PHLDB1: variants seen among roughly 807,000 people sequenced by gnomAD.
PHLDB1 encodes pleckstrin homology like domain family B member 1, also known as pleckstrin homology-like domain family B member 1.
Under a neutral mutation model 139.3 loss-of-function variants are expected in PHLDB1, and 65 were observed. The observed-to-expected ratio is 0.47, with a 90% CI of 0.38 to 0.57. The LOEUF (loss-of-function observed/expected upper bound fraction) is 0.57, where lower values mean the gene tolerates loss of function less well. Among genes scored for constraint, PHLDB1 ranks in the 20% least tolerant of loss-of-function variants. The probability of loss-of-function intolerance (pLI) is 0.00; values close to 1 mark genes in which losing one functional copy is unlikely to be tolerated. For missense variants in PHLDB1, 1,624 were observed against 1,839.7 expected, an observed-to-expected ratio of 0.88 and a Z score of 2.14; for synonymous variants, 679 against 734.5, an observed-to-expected ratio of 0.92 and a Z score of 1.22.
chr11:118,607,970 C>G lies in PHLDB1; in HGVS notation c.-22+271C>G, dbSNP rs372171283. On this transcript the variant is annotated intron_variant, in intron 1 of 22. Coordinates refer to ENST00000600882, the MANE Select transcript of PHLDB1 (RefSeq NM_001144758.3). ...AGAGGGGGCCGTGACGCTCTCCCCC[C>G]CTTGGAGAAACTCTGATCCTGGCCC... Among the ~76,000 whole-genome samples the G allele has an allele frequency of 5.7e-3, 870 of 152,198 alleles. 4 individuals are homozygous for G. Among genetic ancestry groups the G allele is most frequent in the Middle Eastern group, 0.01 (3 of 294 alleles).
Position 118,650,231 on chromosome 11 carries a change from G to A in PHLDB1, c.3771+38G>A, listed in dbSNP as rs200396214. On this transcript the variant is annotated intron_variant, in intron 19 of 22. Coordinates refer to ENST00000600882, the MANE Select transcript of PHLDB1 (RefSeq NM_001144758.3). This position sits in a 1 kb window ranked among gnomAD's most constrained non-coding sequence, Gnocchi z 4.7. Reference sequence around the variant, plus strand: ...TGTGGCCCTGGGGTGCTGGGGAGAGGGAGAATCCCGTGGTGAGAGGCACCT... The same window carrying A: ...TGTGGCCCTGGGGTGCTGGGGAGAGAGAGAATCCCGTGGTGAGAGGCACCT... 3.5e-4 allele frequency: 517 copies of A among 1,491,124 alleles called. No homozygotes were observed. Among genetic ancestry groups the A allele is most frequent in the Non-Finnish European group, 4.4e-4 (468 of 1,068,014 alleles). The allele number at this position is 1,491,124 out of a possible 1,614,324, so 92.4% of individuals were successfully genotyped here.
At position 118,650,729 on chromosome 11, in the gene PHLDB1, C is replaced by A. The variant is rs934078274; in HGVS notation, c.3874+182C>A. ...CCTGGTTCACCTCCATTTTTGTGTT[C>A]ATTCATTCATTCCTTCATTCAGCAA... On this transcript the variant is annotated intron_variant, in intron 20 of 22. Transcript: ENST00000600882. This position sits in a 1 kb window ranked among gnomAD's most constrained non-coding sequence, Gnocchi z 4.7. The A allele has an allele frequency of 3.4e-6, 2 of 596,244 alleles. No homozygotes were observed. The highest frequency in any genetic ancestry group is 2.8e-5 in the East Asian group (1 of 35,956). The allele number at this position is 596,244 out of a possible 1,614,324, so 36.9% of individuals were successfully genotyped here.
At position 118,645,087 on chromosome 11, in the gene PHLDB1, T is replaced by TG; in HGVS notation, c.3122-266dup. The TG allele has an allele frequency of 2.4e-6, 1 of 413,922 alleles. No homozygotes were observed. The allele number at this position is 413,922 out of a possible 1,614,324, so 25.6% of individuals were successfully genotyped here. The stretch of plus-strand genomic sequence containing the variant: ...GCTGTCGTGCTGCCCCAGCACTACT[T>TG]GGGTAGGTTTGGTGTCCTATATGGA... On this transcript the variant is annotated intron_variant, in intron 15 of 22. Coordinates refer to ENST00000600882, the MANE Select transcript of PHLDB1 (RefSeq NM_001144758.3). The surrounding 1 kb of genome is among the most constrained non-coding windows in gnomAD (Gnocchi z 5.1).
intron 10 of PHLDB1, chr11:118,637,927 G>A (rs1455157333): frequency 6.6e-6 from 1 of 152,278 alleles, no homozygotes; most frequent in Non-Finnish European, 1.5e-5. Flanking sequence ...CTTACGTTTG[G>A]GGCAGGCTGG....
At chr11:118,613,993 A>G in intron 2 of PHLDB1, 97 bp downstream of exon 2, 2 of 770,846 alleles carry the variant, frequency 2.6e-6, no homozygotes, top group Admixed American at 4.1e-5. Flanking sequence ...TGAAAGGAGC[A>G]ATTCTGTTCC....
rs566033065 is a variant in PHLDB1, at chr11:118,620,090, G to C, written c.355+3879G>C. On this transcript the variant is annotated intron_variant, in intron 4 of 22. Transcript: ENST00000600882. The surrounding 1 kb of genome is among the most constrained non-coding windows in gnomAD (Gnocchi z 4.1). ...TGAGAGACACTGTGTCAGGCTGTGT[G>C]AGCTGCTGAGAGCATAAAACATTGT... Among the ~76,000 whole-genome samples the C allele has an allele frequency of 1.7e-4, 26 of 152,354 alleles. No individual in the cohort carries two copies. Among genetic ancestry groups the C allele is most frequent in the African/African-American group, 6.0e-4 (25 of 41,578 alleles).
At position 118,650,092 on chromosome 11, in the gene PHLDB1, C is replaced by T. The variant is rs781987006; in HGVS notation, c.3670C>T (p.Arg1224Cys). 12 of 1,613,842 alleles carry T rather than the reference C, an allele frequency of 7.4e-6. No individual in the cohort carries two copies. The highest frequency in any genetic ancestry group is 3.3e-5 in the South Asian group (3 of 91,080). ...TTGCTCCCAGGCACGACCCCTGACC[C>T]GCTACCTGCCAATCCGGAAGGAGGA... ...KQFSQARPLT[R>C]YLPIRKEDFD... is the part of the protein sequence containing the mutation. The change falls in exon 19 of 23, where the codon CGC becomes TGC. Residue 1224 changes from arginine to cysteine, a missense_variant. Transcript: ENST00000600882. The surrounding 1 kb of genome is among the most constrained non-coding windows in gnomAD (Gnocchi z 4.7).
intron 12 of PHLDB1, chr11:118,640,940 G>A (rs1946407424): frequency 1.3e-5 from 2 of 152,410 alleles, no homozygotes; most frequent in African/African-American, 4.8e-5. Context: ...GCCCTTTTCT[G>A]GTCTCTGTCA....
Position 118,608,426 on chromosome 11 carries a change from G to A in PHLDB1, c.-22+727G>A, listed in dbSNP as rs754939552. Among the ~76,000 whole-genome samples the A allele has an allele frequency of 7.4e-4, 113 of 152,292 alleles. No homozygotes were observed. The highest frequency in any genetic ancestry group is 1.5e-3 in the Non-Finnish European group (99 of 68,010). ...AGTCATCCGGGCTCCCCCGGGATAG[G>A]GAAGTGCGGGCGGGCGGCTGGGTAG... On this transcript the variant is annotated intron_variant, in intron 1 of 22. Transcript: ENST00000600882. The surrounding 1 kb of genome is among the most constrained non-coding windows in gnomAD (Gnocchi z 6.7).
Position 118,628,516 on chromosome 11 carries a change from G to A in PHLDB1, c.1693G>A (p.Gly565Arg), listed in dbSNP as rs782172669. The change falls in exon 6 of 23, where the codon GGG (glycine) becomes AGG (arginine). Residue 565 changes from glycine to arginine, a missense_variant. By Grantham distance (125) the Gly-to-Arg change is moderately radical (BLOSUM62 -2). Coordinates refer to ENST00000600882, the MANE Select transcript of PHLDB1 (RefSeq NM_001144758.3). ...CTGTGTCCAGAGGAAGCTCTCCAGC[G>A]GGGACTTGCGGGTGCCTGTCACAAG... is the stretch of plus-strand genomic sequence containing the variant. ...SPCVQRKLSS[G>R]DLRVPVTRER... The A allele has an allele frequency of 1.1e-5, 17 of 1,613,126 alleles. No homozygotes were observed. Among genetic ancestry groups the A allele is most frequent in the East Asian group, 2.2e-5 (1 of 44,894 alleles).
At position 118,610,665 on chromosome 11, in the gene PHLDB1, GT is replaced by G; in HGVS notation, c.-22+2968del. On this transcript the variant is annotated intron_variant, in intron 1 of 22. Coordinates refer to ENST00000600882, the MANE Select transcript of PHLDB1 (RefSeq NM_001144758.3). This position sits in a 1 kb window ranked among gnomAD's most constrained non-coding sequence, Gnocchi z 8.7. ...GAGCCCGGGAGCTGTGTCAGTGCCC[GT>G]TGGTGCTGGAGCCAGTCGGCCCTTC... is the stretch of plus-strand genomic sequence containing the variant. The G allele has an allele frequency of 1.2e-5, 2 of 171,838 alleles. No homozygotes were observed. The highest frequency in any genetic ancestry group is 2.3e-5 in the Non-Finnish European group (2 of 85,758). The allele number at this position is 171,838 out of a possible 1,614,324, so 10.6% of individuals were successfully genotyped here. A position where few individuals can be genotyped will look rare whatever the true frequency, so the allele number is the denominator to read the frequency against.
rs782104199 is a variant in PHLDB1 at position 118,639,234 on chromosome 11, A to G, written c.2719A>G (p.Thr907Ala). ...AGGGGGCAGGCCTTTCCCGAAGACC[A>G]CATCGACCCTCAAAGAGGTATCATG... Reference protein sequence around the residue: ...LTGGRPFPKTTSTLKEMEKLL... With the variant: ...LTGGRPFPKTASTLKEMEKLL... Residue 907 changes from threonine (T) to alanine (A), a missense_variant, in exon 12 of 23, where the codon ACA becomes GCA. Transcript: ENST00000600882. The G allele has an allele frequency of 6.2e-7, 1 of 1,613,704 alleles. No individual in the cohort carries two copies. Among genetic ancestry groups the G allele is most frequent in the Non-Finnish European group, 8.5e-7 (1 of 1,179,562 alleles).
chr11:118,617,125 G>A (rs1202455378), intron 4 of PHLDB1, among the ~76,000 whole-genome samples: 1 of 152,164 alleles, frequency 6.6e-6, no homozygotes, highest in Non-Finnish European at 1.5e-5. Flanking sequence ...TAAGCGGTTG[G>A]CCCAGGTAGC....
chr11:118,647,976 G>A lies in PHLDB1; in HGVS notation c.3554G>A (p.Arg1185Gln), dbSNP rs1194257386. 9 of 1,596,304 alleles carry A rather than the reference G, an allele frequency of 5.6e-6. No individual in the cohort carries two copies. In the East Asian group the frequency reaches 6.8e-5, roughly 12 times the overall value. ...LRRQALEEER[R>Q]RREQVERRLQ... The stretch of plus-strand genomic sequence containing the variant: ...CGGCAGGCCCTGGAGGAGGAGCGGC[G>A]GAGGCGTGAGCAGGTAGAACGGAGG... The change falls in exon 18 of 23, where the codon CGG (arginine) becomes CAG (glutamine). Residue 1185 changes from arginine to glutamine, a missense_variant. By Grantham distance (43) the Arg-to-Gln change is conservative (BLOSUM62 1). Transcript: ENST00000600882.
At chr11:118,635,352 T>C (rs781957142) in intron 9 of PHLDB1, 41 bp from the exon 10 acceptor site, 17 of 1,530,914 alleles carry the variant, frequency 1.1e-5, no homozygotes, top group Non-Finnish European at 1.5e-5. Context: ...CAGAGTGGCA[T>C]TGCAAGCACC....
chr11:118,616,796 G>A (rs1555090031), intron 4 of PHLDB1, among the ~76,000 whole-genome samples: 3 of 152,194 alleles, frequency 2.0e-5, no homozygotes, highest in African/African-American at 2.4e-5. Context: ...TACAATCCCA[G>A]CACTTTGGTA....
chr11:118,640,931 C>T (rs115522851), intron 12 of PHLDB1: 2,105 of 152,426 alleles, frequency 0.014, 59 homozygotes, highest in African/African-American at 0.047. Flanking sequence ...GGTTCTGCTG[C>T]CCTTTTCTGG....
chr11:118,641,830 G>A, intron 12 of PHLDB1: 1 of 1,255,386 alleles, frequency 8.0e-7, no homozygotes, highest in Admixed American at 2.4e-5. Flanking sequence ...TGACTGGTGT[G>A]CTCTGTGTGT....
rs145368512 is a variant in PHLDB1 at position 118,615,950 on chromosome 11, G to C, written c.185-91G>C. On this transcript the variant is annotated intron_variant, in intron 3 of 22. Transcript: ENST00000600882. The stretch of plus-strand genomic sequence containing the variant: ...AGAGATTCTCCCTGGAGTAGGAGGT[G>C]GAAATATGTTTCCACTGTGGCCCTC... The C allele has an allele frequency of 4.7e-3, 5,002 of 1,065,484 alleles. 98 individuals are homozygous for C. In the Admixed American group the frequency reaches 0.053, roughly 11 times the overall value. 66.0% of individuals were successfully genotyped at this position (1,065,484 alleles called of 1,614,324 possible).
Sources: gnomAD v4.1 joint callset for allele counts (sites outside exome capture counted in the v4.1 genomes callset) on GRCh38, gnomAD v4.1.1 for gene constraint, Gnocchi (gnomAD v3.1) non-coding constraint, MANE v1.5 for transcripts, NCBI Gene and HGNC (gene_info 2026-07-23, HGNC 2026-07-21) for gene names.